The following STIMATE variants were observed in gnomAD, a reference collection of about 807,000 sequenced individuals.
The protein encoded by STIMATE is store-operated calcium entry regulator STIMATE.
Under a neutral mutation model 36.7 loss-of-function variants are expected in STIMATE, and 15 were observed. The observed-to-expected ratio is 0.41, with a 90% CI of 0.27 to 0.63. The LOEUF is 0.63. Among genes scored for constraint, STIMATE ranks in the 20% least tolerant of loss-of-function variants. The probability of loss-of-function intolerance (pLI) is 0.32; values close to 1 mark genes in which losing one functional copy is unlikely to be tolerated. For synonymous variants in STIMATE, 163 were observed against 162.3 expected, an observed-to-expected ratio of 1.00 and a Z score of -0.03; for missense variants, 305 against 397.3, an observed-to-expected ratio of 0.77 and a Z score of 1.98.
chr3:52,850,567 A>G (rs1700980687), intron 3 of STIMATE, among the ~76,000 whole-genome samples: 1 of 152,210 alleles, frequency 6.6e-6, no homozygotes, highest in South Asian at 2.1e-4. Context: ...CTAGGCAATG[A>G]TTCTGCTCAC....
At chr3:52,860,978 C>T (rs1009820234) in intron 1 of STIMATE, among the ~76,000 whole-genome samples, 2 of 152,228 alleles carry the variant, frequency 1.3e-5, no homozygotes, top group African/African-American at 4.8e-5. Context: ...CTGCAGAAGC[C>T]ACACCATGCT....
chr3:52,867,746 C>T (rs567709203), intron 1 of STIMATE, among the ~76,000 whole-genome samples: 9 of 152,360 alleles, frequency 5.9e-5, no homozygotes, highest in African/African-American at 2.2e-4. Flanking sequence ...CGCAGTGTGG[C>T]TCCCATTCAG....
chr3:52,845,054 G>A (rs1334052550), intron 4 of STIMATE, 113 bp from the exon 5 acceptor site: 2 of 1,011,598 alleles, frequency 2.0e-6, no homozygotes, highest in African/African-American at 1.6e-5. Context: ...AAGCTCTAAA[G>A]GTACTTAATG....
intron 4 of STIMATE, among the ~76,000 whole-genome samples, chr3:52,845,442 C>T (rs960403080): frequency 9.2e-5 from 14 of 152,170 alleles, no homozygotes; most frequent in African/African-American, 2.7e-4. Flanking sequence ...CCCAACTCCC[C>T]GGGCCATCCC....
chr3:52,864,811 T>C (rs956849749), intron 1 of STIMATE, among the ~76,000 whole-genome samples: 5 of 152,218 alleles, frequency 3.3e-5, no homozygotes, highest in Admixed American at 2.0e-4. Context: ...CACCAGTCTC[T>C]TTGCTAAAAC....
intron 2 of STIMATE, among the ~76,000 whole-genome samples, chr3:52,853,143 A>G (rs1701036830): frequency 6.6e-6 from 1 of 152,170 alleles, no homozygotes; most frequent in Non-Finnish European, 1.5e-5. Flanking sequence ...GGGCTAGATC[A>G]GGGTAGGCAA....
chr3:52,840,568 C>T lies in STIMATE; in HGVS notation c.811G>A (p.Glu271Lys). 1 of 1,614,036 alleles carries T rather than the reference C, an allele frequency of 6.2e-7. No homozygotes were observed. Among genetic ancestry groups the T allele is most frequent in the Non-Finnish European group, 8.5e-7 (1 of 1,179,990 alleles). The change falls in exon 8 of 8, where the codon GAG becomes AAG. Residue 271 changes from glutamate (E) to lysine (K), a missense_variant. Physicochemically the swap from Glu to Lys is moderately conservative, Grantham distance 56. This residue lies in a region of STIMATE where 84 missense variants were observed against 82.4 expected (regional missense o/e 1.02). Coordinates refer to ENST00000355083, the MANE Select transcript of STIMATE (RefSeq NM_198563.5). ...GGGGTCAGTCTGCGGAGGTCCTCCT[C>T]CACGTCGGACTCCTCCATCTCATCA... The part of the protein sequence containing the change: ...ADDEMEESDV[E>K]EDLRRLTPLK...
chr3:52,866,540 CACACAATAGG>C (rs1186363192), intron 1 of STIMATE, among the ~76,000 whole-genome samples: 1 of 152,246 alleles, frequency 6.6e-6, no homozygotes, highest in Non-Finnish European at 1.5e-5. Context: ...CTACTGGTGC[CACACAATAGG>C]ACAGCAATTA....
intron 1 of STIMATE, among the ~76,000 whole-genome samples, chr3:52,864,711 T>C (rs987320016): frequency 1.3e-5 from 2 of 152,240 alleles, no homozygotes; most frequent in Non-Finnish European, 2.9e-5. Flanking sequence ...CTTGAATGCC[T>C]TGCTGCTTAG....
At chr3:52,884,712 G>A (rs552529259) in intron 1 of STIMATE, among the ~76,000 whole-genome samples, 2 of 152,168 alleles carry the variant, frequency 1.3e-5, no homozygotes, top group Non-Finnish European at 2.9e-5. Context: ...ACTCAACCAT[G>A]AGATTCAATC....
intron 1 of STIMATE, among the ~76,000 whole-genome samples, chr3:52,858,125 A>G (rs1701141068): frequency 6.6e-6 from 1 of 152,202 alleles, no homozygotes; most frequent in Non-Finnish European, 1.5e-5. Context: ...CTGTGAGAAA[A>G]TAAGTGTCTA....
chr3:52,858,050 G>T (rs566501300), intron 1 of STIMATE, among the ~76,000 whole-genome samples: 2 of 152,226 alleles, frequency 1.3e-5, no homozygotes, highest in African/African-American at 4.8e-5. Flanking sequence ...GCAAGCCAAG[G>T]AGAGAGGCCT....
chr3:52,871,448 C>A (rs1472494157), intron 1 of STIMATE, among the ~76,000 whole-genome samples: 15 of 152,118 alleles, frequency 9.9e-5, no homozygotes, highest in African/African-American at 3.1e-4. Flanking sequence ...TGGGAGTTAG[C>A]CAGCACACGA....
In STIMATE at chr3:52,837,320, G is replaced by A. The variant is rs759504918; in HGVS notation, c.*3174C>T. On this transcript the variant is annotated 3_prime_UTR_variant, in exon 8 of 8. Coordinates refer to ENST00000355083, the MANE Select transcript of STIMATE (RefSeq NM_198563.5). Reference sequence around the variant, plus strand: ...CCCTACAGGCTTACACTGTCTAAGGGAAGTCACAGCTTGGATTTGAGCCTT... The same window carrying A: ...CCCTACAGGCTTACACTGTCTAAGGAAAGTCACAGCTTGGATTTGAGCCTT... The A allele has an allele frequency of 6.6e-6, 1 of 152,324 alleles. No homozygotes were observed. The highest frequency in any genetic ancestry group is 3.2e-3 in the Middle Eastern group (1 of 316). 9.4% of individuals were successfully genotyped at this position (152,324 alleles called of 1,614,324 possible). A position where few individuals can be genotyped will look rare whatever the true frequency, so the allele number is the denominator to read the frequency against.
intron 1 of STIMATE, among the ~76,000 whole-genome samples, chr3:52,875,746 C>T (rs1575343597): frequency 6.6e-6 from 1 of 152,216 alleles, no homozygotes; most frequent in South Asian, 2.1e-4. Flanking sequence ...CTAGGATAAA[C>T]CCCCAGTGCA....
Position 52,838,247 on chromosome 3 carries a change from G to C in STIMATE, c.*2247C>G, listed in dbSNP as rs1159579529. On this transcript the variant is annotated 3_prime_UTR_variant, in exon 8 of 8. Transcript: ENST00000355083. ...AAAGCCTTCAGATGAGACCATCTGAGATCTATATAACCCAGGGTTTGTTTC... is the reference window on the plus strand; with the variant it reads ...AAAGCCTTCAGATGAGACCATCTGACATCTATATAACCCAGGGTTTGTTTC... The C allele has an allele frequency of 6.6e-6, 1 of 152,196 alleles. No individual in the cohort carries two copies. Among genetic ancestry groups the C allele is most frequent in the East Asian group, 1.9e-4 (1 of 5,202 alleles). The allele number at this position is 152,196 out of a possible 1,614,324, so 9.4% of individuals were successfully genotyped here.
chr3:52,881,655 T>C (rs1575347009), intron 1 of STIMATE, among the ~76,000 whole-genome samples: 1 of 152,040 alleles, frequency 6.6e-6, no homozygotes, highest in Admixed American at 6.5e-5. Context: ...TGAGCTGAGA[T>C]TGCACCACTG....
At chr3:52,845,411 C>T (rs1023431110) in intron 4 of STIMATE, among the ~76,000 whole-genome samples, 26 of 152,184 alleles carry the variant, frequency 1.7e-4, no homozygotes, top group Non-Finnish European at 3.8e-4. Flanking sequence ...TGTCTCCCAC[C>T]TCCCCACCTC....
At chr3:52,840,867 GT>G (rs200969842) in intron 7 of STIMATE, among the ~76,000 whole-genome samples, 5 of 150,974 alleles carry the variant, frequency 3.3e-5, no homozygotes, top group Non-Finnish European at 7.4e-5. Flanking sequence ...CTGGTTCGTT[GT>G]TTTTTTTTGC....
Sources: allele counts gnomAD v4.1 joint callset (sites outside exome capture counted in the v4.1 genomes callset), GRCh38; gene constraint gnomAD v4.1.1; regional missense constraint gnomAD v4.1.1; transcripts MANE v1.5; gene names NCBI Gene and HGNC (gene_info 2026-07-23, HGNC 2026-07-21).